PTPRD: variants seen among roughly 807,000 people sequenced by gnomAD.
PTPRD encodes receptor-type tyrosine-protein phosphatase delta.
PTPRD carries 34 observed loss-of-function variants against 214.5 expected under a neutral mutation model. The observed-to-expected ratio is 0.16, with a 90% CI of 0.12 to 0.21. The LOEUF is 0.21. PTPRD is among the 10% of genes least tolerant of loss of function. The pLI is 1.00. For missense variants in PTPRD, 2,545 were observed against 2,398.7 expected (o/e 1.06, Z -1.27); for synonymous variants, 1,128 against 845.7 (o/e 1.33, Z -5.79).
intron 7 of PTPRD, among the ~76,000 whole-genome samples, chr9:9,672,834 A>T (rs563268623): frequency 6.6e-6 from 1 of 152,100 alleles, no homozygotes; most frequent in Non-Finnish European, 1.5e-5. Context: ...AATGCCTGAA[A>T]ATGGAAATAA....
At chr9:9,427,845 TACAG>T (rs1354847909) in intron 8 of PTPRD, among the ~76,000 whole-genome samples, 1 of 152,166 alleles carries the variant, frequency 6.6e-6, no homozygotes, top group East Asian at 1.9e-4. Flanking sequence ...TAAAATCCTT[TACAG>T]ACAAACAAAT....
chr9:10,431,369 G>A (rs1403307889), intron 2 of PTPRD, among the ~76,000 whole-genome samples: 1 of 151,926 alleles, frequency 6.6e-6, no homozygotes, highest in Non-Finnish European at 1.5e-5. Context: ...CAGGACATAG[G>A]CATGGGCAAG....
chr9:10,293,464 C>G (rs1221891734), intron 3 of PTPRD, among the ~76,000 whole-genome samples: 1 of 150,376 alleles, frequency 6.6e-6, no homozygotes, highest in African/African-American at 2.4e-5. Context: ...TCTTCAGAAA[C>G]AAACAAACAA....
intron 8 of PTPRD, among the ~76,000 whole-genome samples, chr9:9,411,988 G>C (rs2075585476): frequency 6.6e-6 from 1 of 152,190 alleles, no homozygotes; most frequent in Non-Finnish European, 1.5e-5. Context: ...AAGGATGCCA[G>C]GGCCACATAG....
intron 3 of PTPRD, among the ~76,000 whole-genome samples, chr9:10,218,281 A>C: frequency 6.6e-6 from 1 of 151,928 alleles, no homozygotes; most frequent in East Asian, 1.9e-4. Flanking sequence ...CCAAACAGTA[A>C]ACTAAGTTTT....
chr9:10,046,144 T>A (rs746238745), intron 3 of PTPRD, among the ~76,000 whole-genome samples: 1 of 151,808 alleles, frequency 6.6e-6, no homozygotes, highest in African/African-American at 2.4e-5. Context: ...TACTAACAAA[T>A]CATCATTAAG....
chr9:8,953,268 A>T (rs1199739671), intron 11 of PTPRD, among the ~76,000 whole-genome samples: 2 of 151,894 alleles, frequency 1.3e-5, no homozygotes, highest in Non-Finnish European at 2.9e-5. Flanking sequence ...GCCCAGATAG[A>T]TAACTGGCTG....
chr9:9,178,868 A>G (rs1408884501), intron 10 of PTPRD, among the ~76,000 whole-genome samples: 1 of 152,142 alleles, frequency 6.6e-6, no homozygotes, highest in East Asian at 1.9e-4. Flanking sequence ...TACAGTCTAC[A>G]TACACAATTA....
intron 30 of PTPRD, among the ~76,000 whole-genome samples, chr9:8,478,944 C>A (rs927927845): frequency 6.6e-6 from 1 of 152,172 alleles, no homozygotes; most frequent in African/African-American, 2.4e-5. Flanking sequence ...GTGTCAATCA[C>A]CAAAACTGCA....
chr9:10,075,255 AATT>A (rs1313697415), intron 3 of PTPRD, among the ~76,000 whole-genome samples: 1 of 152,052 alleles, frequency 6.6e-6, no homozygotes, highest in Non-Finnish European at 1.5e-5. Context: ...GAAGGTGCAT[AATT>A]ATTATTAACT....
chr9:8,356,150 C>G (rs1392756364), intron 39 of PTPRD, among the ~76,000 whole-genome samples: 1 of 151,994 alleles, frequency 6.6e-6, no homozygotes, highest in African/African-American at 2.4e-5. Context: ...CTCCAGATAC[C>G]TGAAAATATA....
intron 12 of PTPRD, among the ~76,000 whole-genome samples, chr9:8,652,671 C>T (rs2096836061): frequency 6.6e-6 from 1 of 152,130 alleles, no homozygotes; most frequent in African/African-American, 2.4e-5. Context: ...ATAACATTGG[C>T]CTTTTTGCAC....
chr9:9,406,052 G>A (rs920459223), intron 8 of PTPRD, among the ~76,000 whole-genome samples: 1 of 151,874 alleles, frequency 6.6e-6, no homozygotes, highest in Admixed American at 6.6e-5. Context: ...AATATGAAGG[G>A]CTAATGTTAA....
At chr9:9,164,600 A>C (rs922031788) in intron 10 of PTPRD, among the ~76,000 whole-genome samples, 2 of 152,148 alleles carry the variant, frequency 1.3e-5, no homozygotes, top group African/African-American at 4.8e-5. Flanking sequence ...CAGAGCATAA[A>C]ATCTTTTCTC....
At chr9:9,649,583 G>A (rs539549073) in intron 7 of PTPRD, among the ~76,000 whole-genome samples, 1 of 152,166 alleles carries the variant, frequency 6.6e-6, no homozygotes, top group Non-Finnish European at 1.5e-5. Context: ...CCTACTTTGA[G>A]TGAGACTAAA....
At chr9:9,283,671 C>CA (rs1333932801) in intron 9 of PTPRD, among the ~76,000 whole-genome samples, 3 of 150,682 alleles carry the variant, frequency 2.0e-5, no homozygotes, top group East Asian at 2.0e-4. Flanking sequence ...TATTATTGAA[C>CA]AAAAAAAAGT....
At chr9:9,962,278 C>A (rs919551337) in intron 4 of PTPRD, among the ~76,000 whole-genome samples, 1 of 151,592 alleles carries the variant, frequency 6.6e-6, no homozygotes, top group African/African-American at 2.4e-5. Context: ...CATTTTAAGA[C>A]AACCAAATTG....
intron 12 of PTPRD, among the ~76,000 whole-genome samples, chr9:8,667,745 C>G (rs1349351826): frequency 1.3e-5 from 2 of 151,752 alleles, no homozygotes; most frequent in African/African-American, 2.4e-5. Context: ...TATGTATATG[C>G]AAATATTCCA....
chr9:10,279,018 C>T (rs1348244839), intron 3 of PTPRD, among the ~76,000 whole-genome samples: 1 of 152,122 alleles, frequency 6.6e-6, no homozygotes. Context: ...TCGTGATCTG[C>T]CCGCCTTGGC....
Sources: allele counts gnomAD v4.1 joint callset (sites outside exome capture counted in the v4.1 genomes callset), GRCh38; gene constraint gnomAD v4.1.1; transcripts MANE v1.5; gene names NCBI Gene and HGNC (gene_info 2026-07-23, HGNC 2026-07-21).